PPIP5K2: variants seen among roughly 807,000 people sequenced by gnomAD.
PPIP5K2 encodes inositol hexakisphosphate and diphosphoinositol-pentakisphosphate kinase 2.
PPIP5K2 carries 105 observed loss-of-function variants against 154.6 expected under a neutral mutation model. The ratio of observed to expected loss-of-function variants is 0.68; its 90% CI spans 0.58 to 0.80. PPIP5K2 has a LOEUF of 0.80. Among genes scored for constraint, PPIP5K2 ranks in the 30% least tolerant of loss-of-function variants. PPIP5K2 has a pLI of 0.00. For synonymous variants in PPIP5K2, 480 were observed against 490.3 expected, an observed-to-expected ratio of 0.98 and a Z score of 0.28; for missense variants, 992 against 1,504.6, an observed-to-expected ratio of 0.66 and a Z score of 5.64.
At chr5:103,181,483 A>G (rs1023836658) in intron 24 of PPIP5K2, among the ~76,000 whole-genome samples, 91 of 151,858 alleles carry the variant, frequency 6.0e-4, no homozygotes, top group African/African-American at 2.1e-3. Flanking sequence ...CAGGAGAACC[A>G]CTTGAACCTG....
At chr5:103,165,534 G>A (rs1796992505) in intron 17 of PPIP5K2, among the ~76,000 whole-genome samples, 1 of 152,028 alleles carries the variant, frequency 6.6e-6, no homozygotes, top group African/African-American at 2.4e-5. Flanking sequence ...ACAAGAGTAA[G>A]ACATCAGTTT....
intron 30 of PPIP5K2, among the ~76,000 whole-genome samples, chr5:103,201,140 T>C (rs1802920758): frequency 6.6e-6 from 1 of 152,252 alleles, no homozygotes; most frequent in South Asian, 2.1e-4. Flanking sequence ...TCTCGTCAGA[T>C]ATCTTTAAAG....
intron 25 of PPIP5K2, 74 bp downstream of exon 25, chr5:103,183,481 T>C: frequency 7.9e-7 from 1 of 1,260,582 alleles, no homozygotes. Flanking sequence ...TTTGAGGACA[T>C]CTAATCCCTT....
In PPIP5K2 at chr5:103,170,744, C is replaced by T. The variant is rs782300861; in HGVS notation, c.2287-2411C>T. On this transcript the variant is annotated intron_variant, in intron 19 of 30. Transcript: ENST00000358359. ...GCCTCATAAATACAAAAACTGTGGA[C>T]AGAAGGCAGGTATTTTCAATCACCA... Among the ~76,000 whole-genome samples the T allele has an allele frequency of 2.2e-4, 33 of 150,730 alleles. 1 individual carries two copies. Among genetic ancestry groups the T allele is most frequent in the Non-Finnish European group, 3.7e-4 (25 of 67,384 alleles).
At chr5:103,149,457 G>A in intron 8 of PPIP5K2, 144 bp downstream of exon 8, 2 of 596,870 alleles carry the variant, frequency 3.4e-6, no homozygotes, top group South Asian at 5.0e-5. Flanking sequence ...ACTTTTCAAG[G>A]GATTCTTGTG....
chr5:103,153,766 G>T, intron 10 of PPIP5K2, 82 bp from the exon 11 acceptor site: 1 of 905,574 alleles, frequency 1.1e-6, no homozygotes, highest in South Asian at 1.6e-5. Context: ...TTAAATAGAT[G>T]ACTAAATGTT....
In PPIP5K2 at chr5:103,147,969, T is replaced by A. The variant is rs553354514; in HGVS notation, c.681T>A (p.Asn227Lys). ...SRSSVYSPES[N>K]VRKTGSYIYE... is the part of the protein sequence containing the mutation. ...GTAGTGTTTATTCTCCAGAAAGCAA[T>A]GTACGAAAAACAGGCTCATATATAT... Residue 227 changes from asparagine to lysine, a missense_variant, in exon 7 of 31, where the codon AAT becomes AAA. Coordinates refer to ENST00000358359, the MANE Select transcript of PPIP5K2 (RefSeq NM_001276277.3). The A allele has an allele frequency of 1.2e-6, 2 of 1,603,804 alleles. No homozygotes were observed. Among genetic ancestry groups the A allele is most frequent in the Non-Finnish European group, 1.7e-6 (2 of 1,174,234 alleles).
At chr5:103,163,890 A>G (rs1300028253) in intron 17 of PPIP5K2, among the ~76,000 whole-genome samples, 3 of 151,932 alleles carry the variant, frequency 2.0e-5, no homozygotes, top group Non-Finnish European at 4.4e-5. Context: ...ATCTATGTTC[A>G]TGTCAGATTG....
At chr5:103,129,852 CAAT>C in intron 2 of PPIP5K2, 149 bp downstream of exon 2, 4 of 1,138,388 alleles carry the variant, frequency 3.5e-6, no homozygotes, top group Non-Finnish European at 4.6e-6. Flanking sequence ...TATGATGAAT[CAAT>C]AAATACAGTT....
chr5:103,177,752 T>C lies in PPIP5K2; in HGVS notation c.2615T>C (p.Met872Thr). The change falls in exon 22 of 31, where the codon ATG becomes ACG. Residue 872 changes from methionine to threonine, a missense_variant. Physicochemically the swap from Met to Thr is moderately conservative, Grantham distance 81 (BLOSUM62 -1). Coordinates refer to ENST00000358359, the MANE Select transcript of PPIP5K2 (RefSeq NM_001276277.3). ...ELNYMTQIVI[M>T]LYEDPNKDLS... ...AACTACATGACTCAGATTGTTATCATGCTTTATGAGGATCCTAATAAGGTA... is the reference window on the plus strand; with the variant it reads ...AACTACATGACTCAGATTGTTATCACGCTTTATGAGGATCCTAATAAGGTA... 5 of 1,611,360 alleles carry C rather than the reference T, an allele frequency of 3.1e-6. No homozygotes were observed. Among genetic ancestry groups the C allele is most frequent in the Non-Finnish European group, 4.2e-6 (5 of 1,178,312 alleles).
chr5:103,192,983 C>T (rs1554227370), intron 29 of PPIP5K2, among the ~76,000 whole-genome samples: 1 of 152,008 alleles, frequency 6.6e-6, no homozygotes, highest in African/African-American at 2.4e-5. Flanking sequence ...TTGGAAATTC[C>T]ATGAGGAAGA....
At position 103,120,391 on chromosome 5, in the gene PPIP5K2, A is replaced by G. The variant is rs1284816479; in HGVS notation, c.-382A>G. On this transcript the variant is annotated 5_prime_UTR_variant, in exon 1 of 31. Transcript: ENST00000358359. ...GCCTACAACTGAAGTCTCTTGACAAACACCTCACCCCTGCCTCCGGGATGA... is the reference window on the plus strand; with the variant it reads ...GCCTACAACTGAAGTCTCTTGACAAGCACCTCACCCCTGCCTCCGGGATGA... The G allele has an allele frequency of 2.0e-5, 9 of 456,336 alleles. No homozygotes were observed. Among genetic ancestry groups the G allele is most frequent in the Non-Finnish European group, 4.0e-5 (9 of 226,840 alleles). The allele number at this position is 456,336 out of a possible 1,614,324, so 28.3% of individuals were successfully genotyped here. A position where few individuals can be genotyped will look rare whatever the true frequency, so the allele number is the denominator to read the frequency against.
intron 25 of PPIP5K2, among the ~76,000 whole-genome samples, chr5:103,184,016 A>G (rs1280597075): frequency 6.6e-6 from 1 of 152,198 alleles, no homozygotes; most frequent in Admixed American, 6.5e-5. Flanking sequence ...AGAGGGAACA[A>G]TTGCATATGT....
rs369513676 is a variant in PPIP5K2, at chr5:103,206,568, A to C, written c.*4934A>C. ...GACATTTTGGACCATAAAATTCTAC[A>C]TCATAGGAAGCTGTTCCATGCATAG... On this transcript the variant is annotated 3_prime_UTR_variant, in exon 31 of 31. Coordinates refer to ENST00000358359, the MANE Select transcript of PPIP5K2 (RefSeq NM_001276277.3). 1 of 152,246 alleles carries C rather than the reference A, an allele frequency of 6.6e-6. No individual in the cohort carries two copies. Among genetic ancestry groups the C allele is most frequent in the Non-Finnish European group, 1.5e-5 (1 of 68,062 alleles). 9.4% of individuals were successfully genotyped at this position (152,246 alleles called of 1,614,324 possible).
chr5:103,154,049 G>A, intron 11 of PPIP5K2, 115 bp downstream of exon 11: 3 of 674,666 alleles, frequency 4.4e-6, no homozygotes, highest in Non-Finnish European at 7.1e-6. Context: ...ACTGTCTCTT[G>A]GCCATTTATA....
Position 103,177,554 on chromosome 5 carries a change from G to C in PPIP5K2, c.2530-113G>C, listed in dbSNP as rs140402757. 3.4e-4 allele frequency: 206 copies of C among 606,212 alleles called. No homozygotes were observed. The African/African-American group carries it at 3.5e-3, about 10-fold the overall frequency. The allele number at this position is 606,212 out of a possible 1,614,324, so 37.6% of individuals were successfully genotyped here. On this transcript the variant is annotated intron_variant, in intron 21 of 30. Transcript: ENST00000358359. ...TTTTTTAAAATTTTGCATATGATAA[G>C]TATTCACTTTATGTGGTATCACTAG... is the stretch of plus-strand genomic sequence containing the variant.
chr5:103,180,646 G>A (rs1234862224), intron 24 of PPIP5K2, among the ~76,000 whole-genome samples: 2 of 151,766 alleles, frequency 1.3e-5, no homozygotes, highest in Non-Finnish European at 2.9e-5. Flanking sequence ...TCAGGAGATC[G>A]AGACCATCCT....
rs538676962 is a variant in PPIP5K2 at position 103,211,978 on chromosome 5, T to C, written c.*10344T>C. ...AAGGAATCAACGGCTAAATCAAGCTTAAAGTCTTCCTGTCCAAGGGATATG... is the reference window on the plus strand; with the variant it reads ...AAGGAATCAACGGCTAAATCAAGCTCAAAGTCTTCCTGTCCAAGGGATATG... On this transcript the variant is annotated 3_prime_UTR_variant, in exon 31 of 31. Transcript: ENST00000358359. 2.2e-4 allele frequency: 33 copies of C among 152,256 alleles called. No individual in the cohort carries two copies. Among genetic ancestry groups the C allele is most frequent in the African/African-American group, 7.7e-4 (32 of 41,568 alleles). The allele number at this position is 152,256 out of a possible 1,614,324, so 9.4% of individuals were successfully genotyped here.
chr5:103,138,136 A>G lies in PPIP5K2; in HGVS notation c.402-248A>G, dbSNP rs1464514584. Among the ~76,000 whole-genome samples the G allele has an allele frequency of 3.9e-5, 6 of 152,202 alleles. No individual in the cohort carries two copies. The highest frequency in any genetic ancestry group is 7.4e-5 in the Non-Finnish European group (5 of 68,004). ...AAATACATTTATGTTCTCAGTTTTA[A>G]TAATTAGTTTCTCAATAAGCTAGAA... On this transcript the variant is annotated intron_variant, in intron 4 of 30. Transcript: ENST00000358359.
Sources: allele counts gnomAD v4.1 joint callset (sites outside exome capture counted in the v4.1 genomes callset), GRCh38; gene constraint gnomAD v4.1.1; transcripts MANE v1.5; gene names NCBI Gene and HGNC (gene_info 2026-07-23, HGNC 2026-07-21).